The following TTLL11 variants were observed in gnomAD, a reference collection of about 807,000 sequenced individuals.
TTLL11 encodes the protein tubulin tyrosine ligase like 11.
A neutral mutation model predicts 51.7 loss-of-function variants in TTLL11; 42 were observed. The observed-to-expected ratio is 0.81, with a 90% confidence interval of 0.64 to 1.05. The LOEUF (loss-of-function observed/expected upper bound fraction) is 1.05, where lower values mean the gene tolerates loss of function less well. Ranked by LOEUF, TTLL11 falls within the 50% of genes least tolerant of loss-of-function variation. TTLL11 has a pLI of 0.00. For missense variants in TTLL11, 799 were observed against 940.4 expected (o/e 0.85, Z 1.97); for synonymous variants, 381 against 383.5 (o/e 0.99, Z 0.08).
chr9:121,848,206 C>T (rs1837571193), intron 8 of TTLL11, among the ~76,000 whole-genome samples: 1 of 147,966 alleles, frequency 6.8e-6, no homozygotes, highest in Non-Finnish European at 1.5e-5. Flanking sequence ...GACCCTATCG[C>T]TAAGGAAAAA....
At chr9:122,017,812 G>A (rs2131771128) in intron 3 of TTLL11, among the ~76,000 whole-genome samples, 1 of 152,250 alleles carries the variant, frequency 6.6e-6, no homozygotes, top group African/African-American at 2.4e-5. Flanking sequence ...CACTGGCATG[G>A]CGAGATGTCC....
chr9:121,845,906 G>T (rs533059291), intron 8 of TTLL11, among the ~76,000 whole-genome samples: 1 of 152,244 alleles, frequency 6.6e-6, no homozygotes, highest in South Asian at 2.1e-4. Context: ...AACATTGATA[G>T]GTATCAATCC....
At chr9:121,948,072 T>C (rs1841732881) in intron 6 of TTLL11, among the ~76,000 whole-genome samples, 1 of 152,236 alleles carries the variant, frequency 6.6e-6, no homozygotes, top group Non-Finnish European at 1.5e-5. Context: ...TGAATAACTA[T>C]TACATGTCAA....
At chr9:121,924,503 T>C (rs1033537564) in intron 6 of TTLL11, among the ~76,000 whole-genome samples, 2 of 152,216 alleles carry the variant, frequency 1.3e-5, no homozygotes, top group African/African-American at 4.8e-5. Flanking sequence ...GGTTAGGAGA[T>C]ATTGAGAACA....
chr9:121,934,542 G>A (rs1194384636), intron 6 of TTLL11, among the ~76,000 whole-genome samples: 2 of 152,210 alleles, frequency 1.3e-5, no homozygotes, highest in Non-Finnish European at 2.9e-5. Context: ...TGGTGCAAAT[G>A]TTGTTGGCTG....
intron 6 of TTLL11, among the ~76,000 whole-genome samples, chr9:121,926,384 A>C (rs534825025): frequency 6.6e-6 from 1 of 152,310 alleles, no homozygotes; most frequent in African/African-American, 2.4e-5. Context: ...TAGAATCCAA[A>C]AATAACTCCC....
At chr9:121,846,985 C>T (rs1042163302) in intron 8 of TTLL11, among the ~76,000 whole-genome samples, 13 of 152,014 alleles carry the variant, frequency 8.6e-5, no homozygotes, top group African/African-American at 3.1e-4. Context: ...CCGAGGCGGG[C>T]GGATCACGAG....
chr9:121,833,649 T>C (rs927415382), intron 8 of TTLL11, among the ~76,000 whole-genome samples: 1 of 152,178 alleles, frequency 6.6e-6, no homozygotes, highest in Non-Finnish European at 1.5e-5. Context: ...AAGGTCATCG[T>C]CTAGGTGGGC....
At chr9:121,935,117 G>A (rs953176212) in intron 6 of TTLL11, among the ~76,000 whole-genome samples, 1 of 135,896 alleles carries the variant, frequency 7.4e-6, no homozygotes, top group African/African-American at 3.0e-5. Flanking sequence ...ACCATGCCCG[G>A]CTATTTTTTT....
At position 121,901,345 on chromosome 9, in the gene TTLL11, T is replaced by A. The variant is rs1384816296; in HGVS notation, c.1482-30597A>T. On this transcript the variant is annotated intron_variant, in intron 6 of 8. Coordinates refer to ENST00000321582, the MANE Select transcript of TTLL11 (RefSeq NM_001139442.2). Reference sequence around the variant, plus strand: ...ATGCCTTTTACTTTTTTTTCTTGCCTGATTGCTCTGGCTAAGACTACCCTT... The same window carrying A: ...ATGCCTTTTACTTTTTTTTCTTGCCAGATTGCTCTGGCTAAGACTACCCTT... Among the ~76,000 whole-genome samples the A allele has an allele frequency of 2.0e-5, 3 of 152,300 alleles. No individual in the cohort carries two copies. In the East Asian group the frequency reaches 5.8e-4, roughly 29 times the overall value.
chr9:121,874,883 A>G (rs1838510067), intron 6 of TTLL11, among the ~76,000 whole-genome samples: 2 of 151,680 alleles, frequency 1.3e-5, no homozygotes, highest in African/African-American at 4.9e-5. Flanking sequence ...CAGCCTCCCA[A>G]GTAGCTGGAA....
At chr9:121,968,650 G>A (rs369233563) in intron 6 of TTLL11, among the ~76,000 whole-genome samples, 15 of 151,328 alleles carry the variant, frequency 9.9e-5, no homozygotes, top group African/African-American at 3.4e-4. Context: ...TCTGCCTCCC[G>A]GGTTCAAGCG....
chr9:121,939,958 G>A (rs1841382118), intron 6 of TTLL11, among the ~76,000 whole-genome samples: 1 of 152,118 alleles, frequency 6.6e-6, no homozygotes, highest in Non-Finnish European at 1.5e-5. Context: ...GGGCTGGTGA[G>A]GACGAGAGGT....
intron 8 of TTLL11, among the ~76,000 whole-genome samples, chr9:121,852,725 T>C (rs1210287790): frequency 1.3e-5 from 2 of 152,006 alleles, no homozygotes; most frequent in African/African-American, 4.8e-5. Context: ...GAGATCAGGG[T>C]CTGGGTGAGC....
At chr9:121,910,703 T>C (rs149045871) in intron 6 of TTLL11, among the ~76,000 whole-genome samples, 7 of 152,352 alleles carry the variant, frequency 4.6e-5, no homozygotes, top group Non-Finnish European at 8.8e-5. Context: ...AATACTTGCT[T>C]TTTGGGCAAG....
intron 8 of TTLL11, among the ~76,000 whole-genome samples, chr9:121,841,534 C>T (rs1471838871): frequency 1.3e-5 from 2 of 152,160 alleles, no homozygotes; most frequent in Non-Finnish European, 2.9e-5. Context: ...GAAGAACGCA[C>T]TCAGTCATGT....
At chr9:121,962,552 C>G (rs1842264987) in intron 6 of TTLL11, among the ~76,000 whole-genome samples, 1 of 152,232 alleles carries the variant, frequency 6.6e-6, no homozygotes, top group Non-Finnish European at 1.5e-5. Context: ...AACCATATGA[C>G]ATTGCCATTC....
At chr9:121,897,901 C>T (rs1839602119) in intron 6 of TTLL11, among the ~76,000 whole-genome samples, 1 of 151,360 alleles carries the variant, frequency 6.6e-6, no homozygotes, top group African/African-American at 2.4e-5. Flanking sequence ...CCTCTCCTTC[C>T]CTTCCCTCTC....
At chr9:121,840,121 G>T (rs926247569) in intron 8 of TTLL11, among the ~76,000 whole-genome samples, 1 of 152,154 alleles carries the variant, frequency 6.6e-6, no homozygotes, top group African/African-American at 2.4e-5. Flanking sequence ...CATGCAAATT[G>T]CCTTCTTTAC....
Sources: gnomAD v4.1 joint callset for allele counts (sites outside exome capture counted in the v4.1 genomes callset) on GRCh38, gnomAD v4.1.1 for gene constraint, MANE v1.5 for transcripts, NCBI Gene and HGNC (gene_info 2026-07-23, HGNC 2026-07-21) for gene names.